Variants in ABCB5 observed in about 807,000 individuals in gnomAD.
ABCB5 encodes ATP-binding cassette sub-family B member 5.
A neutral mutation model predicts 144.2 loss-of-function variants in ABCB5; 155 were observed. The ratio of observed to expected loss-of-function variants is 1.08; its 90% CI spans 0.94 to 1.23. The LOEUF is 1.23. Ranked by LOEUF, ABCB5 falls within the 50% of genes most tolerant of loss-of-function variation. The probability of loss-of-function intolerance (pLI) is 0.00; values close to 1 mark genes in which losing one functional copy is unlikely to be tolerated. For missense variants in ABCB5, 1,830 were observed against 1,520.8 expected, an observed-to-expected ratio of 1.20 and a Z score of -3.38; for synonymous variants, 610 against 528.6, an observed-to-expected ratio of 1.15 and a Z score of -2.11.
intron 14 of ABCB5, among the ~76,000 whole-genome samples, chr7:20,662,198 A>G (rs1785024696): frequency 6.6e-6 from 1 of 151,666 alleles, no homozygotes; most frequent in Non-Finnish European, 1.5e-5. Context: ...CCTCTTTGGT[A>G]ATTATGAAGG....
intron 20 of ABCB5, among the ~76,000 whole-genome samples, chr7:20,709,829 G>A (rs570184743): frequency 2.7e-5 from 4 of 149,562 alleles, no homozygotes; most frequent in Admixed American, 2.0e-4. Context: ...ACCTGTAATC[G>A]CAGCACTCTG....
chr7:20,649,349 G>A (rs1179382992), intron 11 of ABCB5, among the ~76,000 whole-genome samples: 1 of 152,086 alleles, frequency 6.6e-6, no homozygotes, highest in East Asian at 1.9e-4. Flanking sequence ...CCTGTTTAGG[G>A]CTAACTACAT....
chr7:20,653,123 C>T (rs1784657575), intron 13 of ABCB5, among the ~76,000 whole-genome samples: 1 of 152,182 alleles, frequency 6.6e-6, no homozygotes. Context: ...CATCAATGCT[C>T]TCATTTCCCA....
chr7:20,754,781 A>C (rs1202709983), intron 27 of ABCB5, among the ~76,000 whole-genome samples: 1 of 152,246 alleles, frequency 6.6e-6, no homozygotes, highest in Non-Finnish European at 1.5e-5. Flanking sequence ...GAATAGTATT[A>C]GAACTACTCA....
At chr7:20,655,012 AT>A (rs1302681591) in intron 13 of ABCB5, among the ~76,000 whole-genome samples, 5 of 151,890 alleles carry the variant, frequency 3.3e-5, no homozygotes, top group Non-Finnish European at 5.9e-5. Flanking sequence ...AAAAACATCA[AT>A]TACTGAAACC....
intron 1 of ABCB5, 55 bp from the exon 2 acceptor site, chr7:20,623,209 CA>C: frequency 9.7e-7 from 1 of 1,032,760 alleles, no homozygotes; most frequent in Non-Finnish European, 1.5e-6. Flanking sequence ...TGCTGTATAT[CA>C]ACTAAGTGAT....
chr7:20,731,807 C>G (rs192055653), intron 23 of ABCB5, among the ~76,000 whole-genome samples: 1 of 152,290 alleles, frequency 6.6e-6, no homozygotes, highest in Non-Finnish European at 1.5e-5. Context: ...CCTCATGACT[C>G]TAATTCCAAA....
intron 20 of ABCB5, among the ~76,000 whole-genome samples, chr7:20,709,153 A>G (rs1583440672): frequency 6.6e-6 from 1 of 151,234 alleles, no homozygotes. Flanking sequence ...GCAGCCTTAT[A>G]TAAGTTACGC....
chr7:20,677,876 A>G (rs555960407), intron 14 of ABCB5, among the ~76,000 whole-genome samples: 130 of 152,316 alleles, frequency 8.5e-4, no homozygotes, highest in African/African-American at 2.2e-3. Flanking sequence ...ACCTCTGTCA[A>G]TGATCAAGAC....
At position 20,651,566 on chromosome 7, in the gene ABCB5, G is replaced by A; in HGVS notation, c.1479G>A (p.Glu493=). 2 of 1,614,134 alleles carry A rather than the reference G, an allele frequency of 1.2e-6. No homozygotes were observed. The highest frequency in any genetic ancestry group is 2.2e-5 in the South Asian group (2 of 91,086). ...GACGAGATGATGTGACTGATGAAGA[G>A]ATGGAGAGAGCAGCAAGGGAAGCAA... ...KYGRDDVTDE[E]MERAAREANA... is the part of the protein sequence containing the mutation. The change falls in exon 13 of 28, where the codon GAG becomes GAA. Residue 493 remains glutamate (E), a synonymous_variant. Coordinates refer to ENST00000404938, the MANE Select transcript of ABCB5 (RefSeq NM_001163941.2).
intron 23 of ABCB5, among the ~76,000 whole-genome samples, chr7:20,732,363 C>T (rs947924919): frequency 6.6e-6 from 1 of 152,206 alleles, no homozygotes; most frequent in Non-Finnish European, 1.5e-5. Flanking sequence ...TTGTTTACAA[C>T]ACTTATGACA....
intron 5 of ABCB5, 43 bp from the exon 6 acceptor site, chr7:20,643,141 A>C (rs186136997): frequency 6.6e-7 from 1 of 1,508,202 alleles, no homozygotes; most frequent in African/African-American, 1.4e-5. Flanking sequence ...AACAAGATAA[A>C]AATGTTGTGC....
intron 26 of ABCB5, among the ~76,000 whole-genome samples, chr7:20,749,035 CCTTT>C (rs1406562370): frequency 3.9e-5 from 6 of 152,006 alleles, no homozygotes; most frequent in African/African-American, 1.2e-4. Flanking sequence ...TGTCTTCCTT[CCTTT>C]CTTTGTCTCT....
chr7:20,694,085 T>TA (rs35870035), intron 16 of ABCB5, among the ~76,000 whole-genome samples: 16 of 145,750 alleles, frequency 1.1e-4, no homozygotes, highest in East Asian at 9.9e-4. Flanking sequence ...TGACTTCTAT[T>TA]AAAAAAAAAA....
At chr7:20,645,630 A>C in intron 7 of ABCB5, 126 bp from the exon 8 acceptor site, 1 of 1,213,134 alleles carries the variant, frequency 8.2e-7, no homozygotes, top group South Asian at 1.7e-5. Flanking sequence ...ATTTTTAAAA[A>C]TACAGAGATA....
intron 24 of ABCB5, among the ~76,000 whole-genome samples, chr7:20,741,252 C>T (rs1197250531): frequency 2.6e-5 from 4 of 151,686 alleles, no homozygotes; most frequent in East Asian, 1.9e-4. Flanking sequence ...AATTAAAAAT[C>T]GTAAGAATAA....
At chr7:20,699,349 T>C (rs544341665) in intron 17 of ABCB5, among the ~76,000 whole-genome samples, 2 of 152,246 alleles carry the variant, frequency 1.3e-5, no homozygotes, top group East Asian at 1.9e-4. Context: ...ATGCAGATGA[T>C]AGCATCATGG....
chr7:20,666,154 G>C (rs1358643838), intron 14 of ABCB5, among the ~76,000 whole-genome samples: 3 of 145,380 alleles, frequency 2.1e-5, no homozygotes, highest in African/African-American at 7.8e-5. Context: ...TGGGCAACAA[G>C]AGTGAAACTC....
intron 23 of ABCB5, among the ~76,000 whole-genome samples, chr7:20,733,636 CTTTT>C (rs1562584951): frequency 6.7e-6 from 1 of 150,060 alleles, no homozygotes; most frequent in African/African-American, 2.4e-5. Flanking sequence ...CTTTTCTTTT[CTTTT>C]CTTTTTTTTT....
Sources: allele counts gnomAD v4.1 joint callset (sites outside exome capture counted in the v4.1 genomes callset), GRCh38; gene constraint gnomAD v4.1.1; transcripts MANE v1.5; gene names NCBI Gene and HGNC (gene_info 2026-07-23, HGNC 2026-07-21).